Variants in MAGI1 observed in about 807,000 individuals in gnomAD.
MAGI1 encodes the protein membrane-associated guanylate kinase, WW and PDZ domain-containing protein 1.
In MAGI1, 58 loss-of-function variants were observed where a neutral mutation model predicts 139.9. The ratio of observed to expected loss-of-function variants is 0.41; its 90% CI spans 0.34 to 0.52. MAGI1 has a LOEUF of 0.52. Ranked by LOEUF, MAGI1 falls within the 20% of genes least tolerant of loss-of-function variation. The probability of loss-of-function intolerance (pLI) is 0.12; values close to 1 mark genes in which losing one functional copy is unlikely to be tolerated. For missense variants in MAGI1, 1,874 were observed against 1,901.6 expected, an observed-to-expected ratio of 0.99 and a Z score of 0.27; for synonymous variants, 812 against 737.9, an observed-to-expected ratio of 1.10 and a Z score of -1.63.
At position 65,575,955 on chromosome 3, in the gene MAGI1, A is replaced by G. The variant is rs561579092; in HGVS notation, c.430+46017T>C. On this transcript the variant is annotated intron_variant, in intron 2 of 22. Coordinates refer to ENST00000402939, the MANE Select transcript of MAGI1 (RefSeq NM_001033057.2). The stretch of plus-strand genomic sequence containing the variant: ...AGGGGCACAAGGACATTTTTGGGGG[A>G]GCTAATGTATGTTCGTTTTCTTAAT... 3.3e-5 allele frequency among the ~76,000 whole-genome samples: 5 copies of G among 152,250 alleles called. No homozygotes were observed. In the East Asian group the frequency reaches 9.7e-4, roughly 29 times the overall value.
chr3:65,778,444 A>AAAAAAAAAAAAAAAAAAAAG (rs752348700), intron 1 of MAGI1, among the ~76,000 whole-genome samples: 1 of 147,148 alleles, frequency 6.8e-6, no homozygotes, highest in Non-Finnish European at 1.5e-5. Context: ...AAAAAAAAAA[A>AAAAAAAAAAAAAAAAAAAAG]TAAATAAATA....
intron 1 of MAGI1, among the ~76,000 whole-genome samples, chr3:65,781,244 A>T (rs530644399): frequency 4.3e-4 from 65 of 152,334 alleles, no homozygotes; most frequent in Admixed American, 3.8e-3. Context: ...GATGGAAAAC[A>T]GAATAGTACC....
intron 1 of MAGI1, among the ~76,000 whole-genome samples, chr3:65,723,814 G>A (rs1353131295): frequency 1.3e-5 from 2 of 152,162 alleles, no homozygotes; most frequent in Non-Finnish European, 1.5e-5. Flanking sequence ...AAGTGAGAGT[G>A]ATCATCTTAA....
rs374037157 is a variant in MAGI1 at position 65,478,250 on chromosome 3, AC to A, written c.757+341del. 2.2e-3 allele frequency among the ~76,000 whole-genome samples: 336 copies of A among 150,770 alleles called. 6 individuals carry two copies. In the East Asian group the frequency reaches 0.038, roughly 17 times the overall value. On this transcript the variant is annotated intron_variant, in intron 4 of 22. Coordinates refer to ENST00000402939, the MANE Select transcript of MAGI1 (RefSeq NM_001033057.2). ...CATAATGATAGAGATGCTGCAAGTT[AC>A]CCCCCCCAAAAAAAATCAATGAACA...
At chr3:65,797,373 G>A (rs2040214875) in intron 1 of MAGI1, among the ~76,000 whole-genome samples, 1 of 152,142 alleles carries the variant, frequency 6.6e-6, no homozygotes, top group Admixed American at 6.6e-5. Flanking sequence ...TAATTACTCT[G>A]ATCTATGTAT....
At chr3:65,772,805 C>G (rs1272099337) in intron 1 of MAGI1, among the ~76,000 whole-genome samples, 1 of 152,188 alleles carries the variant, frequency 6.6e-6, no homozygotes, top group Non-Finnish European at 1.5e-5. Flanking sequence ...TTCCTGATTA[C>G]TGCACAGGCT....
chr3:65,768,547 T>C (rs2037684160), intron 1 of MAGI1, among the ~76,000 whole-genome samples: 1 of 152,202 alleles, frequency 6.6e-6, no homozygotes, highest in South Asian at 2.1e-4. Flanking sequence ...GTACCAAAAA[T>C]AAGACTATTG....
chr3:65,638,907 G>A (rs1227605424), intron 1 of MAGI1, among the ~76,000 whole-genome samples: 5 of 151,930 alleles, frequency 3.3e-5, no homozygotes, highest in Admixed American at 6.6e-5. Flanking sequence ...AGGCGTGGCC[G>A]TGGCTTATTT....
At chr3:65,365,102 A>C (rs1410523724) in intron 18 of MAGI1, 156 bp from the exon 19 acceptor site, 1 of 778,270 alleles carries the variant, frequency 1.3e-6, no homozygotes, top group Non-Finnish European at 2.4e-6. Context: ...TTAGGAGTTT[A>C]ATAAACCATT....
intron 1 of MAGI1, among the ~76,000 whole-genome samples, chr3:65,767,192 T>A (rs1020233907): frequency 1.1e-4 from 16 of 152,200 alleles, no homozygotes; most frequent in Non-Finnish European, 1.8e-4. Flanking sequence ...TTCACACATT[T>A]AACTTACCTG....
At chr3:65,801,385 C>T (rs12630942) in intron 1 of MAGI1, among the ~76,000 whole-genome samples, 34,626 of 152,094 alleles carry the variant, frequency 0.23, 4,204 homozygotes, top group East Asian at 0.42. Flanking sequence ...GTCTTGAAGT[C>T]AGATGCAAAG....
At chr3:65,566,893 G>A (rs1415893194) in intron 2 of MAGI1, among the ~76,000 whole-genome samples, 3 of 151,868 alleles carry the variant, frequency 2.0e-5, no homozygotes, top group East Asian at 3.9e-4. Context: ...CACAGCATCC[G>A]GCCGTCTTTA....
At chr3:65,934,871 T>A (rs2062974946) in intron 1 of MAGI1, among the ~76,000 whole-genome samples, 1 of 151,972 alleles carries the variant, frequency 6.6e-6, no homozygotes, top group South Asian at 2.1e-4. Context: ...ACCAATTTAA[T>A]CTGCATTGCA....
Position 65,384,658 on chromosome 3 carries a change from G to A in MAGI1, c.2417-1035C>T, listed in dbSNP as rs1417123245. 2.6e-5 allele frequency among the ~76,000 whole-genome samples: 4 copies of A among 152,164 alleles called. No individual in the cohort carries two copies. The East Asian group carries it at 7.7e-4, about 29-fold the overall frequency. On this transcript the variant is annotated intron_variant, in intron 14 of 22. Transcript: ENST00000402939. Reference sequence around the variant, plus strand: ...TGAGGTGGGAGAATCACTTGAGCCAGGGAGGTTGAGACTGCAGTGAGCCAT... The same window carrying A: ...TGAGGTGGGAGAATCACTTGAGCCAAGGAGGTTGAGACTGCAGTGAGCCAT...
At chr3:65,413,189 G>T (rs982764601) in intron 12 of MAGI1, among the ~76,000 whole-genome samples, 3 of 152,142 alleles carry the variant, frequency 2.0e-5, no homozygotes, top group Non-Finnish European at 4.4e-5. Flanking sequence ...AGATACTTCT[G>T]CAAAATAGGA....
At chr3:65,468,605 G>A (rs1192039359) in intron 5 of MAGI1, among the ~76,000 whole-genome samples, 4 of 151,884 alleles carry the variant, frequency 2.6e-5, no homozygotes, top group South Asian at 2.1e-4. Flanking sequence ...TAGAGTTCAT[G>A]ACTTCAGGTG....
intron 1 of MAGI1, among the ~76,000 whole-genome samples, chr3:65,983,978 T>C (rs1429698005): frequency 1.3e-5 from 2 of 152,134 alleles, no homozygotes; most frequent in African/African-American, 2.4e-5. Context: ...ACTCATCAAA[T>C]AGTAATTGAG....
intron 12 of MAGI1, among the ~76,000 whole-genome samples, chr3:65,403,220 G>A (rs919759231): frequency 6.6e-6 from 1 of 152,138 alleles, no homozygotes; most frequent in Non-Finnish European, 1.5e-5. Context: ...CTGGCACAGA[G>A]GAGTTACTCA....
Position 65,666,696 on chromosome 3 carries a change from T to C in MAGI1, c.314-44608A>G, listed in dbSNP as rs575731428. ...AATGCTGAGAAGTGTTATTTTATTATCCTGCTGGTGGAGGCCATAGAAAAA... is the reference window on the plus strand; with the variant it reads ...AATGCTGAGAAGTGTTATTTTATTACCCTGCTGGTGGAGGCCATAGAAAAA... On this transcript the variant is annotated intron_variant, in intron 1 of 22. Coordinates refer to ENST00000402939, the MANE Select transcript of MAGI1 (RefSeq NM_001033057.2). Among the ~76,000 whole-genome samples, 4 of 152,276 alleles carry C rather than the reference T, an allele frequency of 2.6e-5. No individual in the cohort carries two copies. In the East Asian group the frequency reaches 7.7e-4, roughly 29 times the overall value.
Sources: allele counts gnomAD v4.1 joint callset (sites outside exome capture counted in the v4.1 genomes callset), GRCh38; gene constraint gnomAD v4.1.1; transcripts MANE v1.5; gene names NCBI Gene and HGNC (gene_info 2026-07-23, HGNC 2026-07-21).